The following MDM2 variants were observed in gnomAD, a reference collection of about 807,000 sequenced individuals.
MDM2 encodes E3 ubiquitin-protein ligase Mdm2.
Under a neutral mutation model 64.3 loss-of-function variants are expected in MDM2, and 11 were observed. That is an observed-to-expected ratio of 0.17 (90% CI 0.11 to 0.28). The LOEUF is 0.28. Among genes scored for constraint, MDM2 ranks in the 10% least tolerant of loss-of-function variants. The pLI, the probability that MDM2 is intolerant of heterozygous loss-of-function variation, is 1.00. For synonymous variants in MDM2, 194 were observed against 192.9 expected, an observed-to-expected ratio of 1.01 and a Z score of -0.05; for missense variants, 388 against 577.1, an observed-to-expected ratio of 0.67 and a Z score of 3.36.
In MDM2 at chr12:68,808,452, C is replaced by T. The variant is rs372373305; in HGVS notation, c.-26C>T. 151 of 1,613,910 alleles carry T rather than the reference C, an allele frequency of 9.4e-5. No individual in the cohort carries two copies. The highest frequency in any genetic ancestry group is 1.2e-4 in the Non-Finnish European group (140 of 1,179,998). ...GGAAACTGGGGAGTCTTGAGGGACC[C>T]CCGACTCCAAGCGCGAAAACCCCGG... On this transcript the variant is annotated 5_prime_UTR_variant, in exon 1 of 11. Transcript: ENST00000258149.
intron 7 of MDM2, among the ~76,000 whole-genome samples, chr12:68,825,419 C>T (rs574969023): frequency 3.3e-5 from 5 of 152,124 alleles, no homozygotes; most frequent in South Asian, 4.2e-4. Flanking sequence ...TTTGGGAGGC[C>T]GAGGCGGGTG....
In MDM2 at chr12:68,809,025, G is replaced by T. The variant is rs1880616214; in HGVS notation, c.15-183G>T. On this transcript the variant is annotated intron_variant, in intron 1 of 10. Transcript: ENST00000258149. ...CCATGCATTTTCCCAGCTGTGTTCA[G>T]TGGCGATTGGAGGGTAGACCTGTGG... 2.7e-6 allele frequency: 4 copies of T among 1,483,476 alleles called. No individual in the cohort carries two copies. The South Asian group carries it at 4.3e-5, about 16-fold the overall frequency. The allele number at this position is 1,483,476 out of a possible 1,614,324, so 91.9% of individuals were successfully genotyped here. A position where few individuals can be genotyped will look rare whatever the true frequency, so the allele number is the denominator to read the frequency against.
At position 68,845,403 on chromosome 12, in the gene MDM2, G is replaced by C. The variant is rs60553748; in HGVS notation, c.*5554G>C. ...CAAATTATAAAATGAGCTAACAAAC[G>C]AAAGGCAAAATAAAACCGTAAAGCA... On this transcript the variant is annotated 3_prime_UTR_variant, in exon 11 of 11. Coordinates refer to ENST00000258149, the MANE Select transcript of MDM2 (RefSeq NM_002392.6). The C allele has an allele frequency of 7.2e-3, 1,514 of 209,118 alleles. 25 individuals carry two copies. The highest frequency in any genetic ancestry group is 0.032 in the African/African-American group (1,420 of 43,924). 13.0% of individuals were successfully genotyped at this position (209,118 alleles called of 1,614,324 possible).
chr12:68,816,477 A>G (rs1193283539), intron 3 of MDM2, among the ~76,000 whole-genome samples: 2 of 141,684 alleles, frequency 1.4e-5, no homozygotes, highest in Non-Finnish European at 3.0e-5. Flanking sequence ...GGTTCAAGCA[A>G]TTCTCCTGCC....
intron 8 of MDM2, among the ~76,000 whole-genome samples, chr12:68,829,855 TA>T (rs1882654314): frequency 6.6e-6 from 1 of 151,820 alleles, no homozygotes; most frequent in Non-Finnish European, 1.5e-5. Flanking sequence ...ACTTCCAAAA[TA>T]TTAGTGAGCA....
chr12:68,819,736 C>G (rs953303947), intron 4 of MDM2, among the ~76,000 whole-genome samples: 1 of 152,182 alleles, frequency 6.6e-6, no homozygotes, highest in Admixed American at 6.5e-5. Context: ...GGTGATCTGC[C>G]GGACTCGGCC....
intron 5 of MDM2, 40 bp from the exon 6 acceptor site, chr12:68,824,323 G>A (rs192598867): frequency 1.5e-4 from 101 of 689,364 alleles, no homozygotes; most frequent in Admixed American, 2.0e-4. Flanking sequence ...GCCGCCCCCC[G>A]CCCACCACCA....
chr12:68,823,085 TTATAC>T (rs1882000789), intron 5 of MDM2, among the ~76,000 whole-genome samples: 1 of 152,154 alleles, frequency 6.6e-6, no homozygotes, highest in Non-Finnish European at 1.5e-5. Flanking sequence ...TAGCATCTGT[TTATAC>T]TAATCCAAAA....
rs1884066153 is a variant in MDM2, at chr12:68,844,207, TA to T, written c.*4361del. 9.5e-6 allele frequency: 2 copies of T among 209,686 alleles called. No individual in the cohort carries two copies. Among genetic ancestry groups the T allele is most frequent in the Non-Finnish European group, 1.9e-5 (2 of 103,418 alleles). 13.0% of individuals were successfully genotyped at this position (209,686 alleles called of 1,614,324 possible). ...TTTCAAGAATGCAATTATTTGATCT[TA>T]AATTTTTATGAGTTGTTAAAATAGA... On this transcript the variant is annotated 3_prime_UTR_variant, in exon 11 of 11. Transcript: ENST00000258149.
chr12:68,831,166 G>T (rs1034911382), intron 8 of MDM2, among the ~76,000 whole-genome samples: 2 of 152,146 alleles, frequency 1.3e-5, no homozygotes, highest in African/African-American at 2.4e-5. Flanking sequence ...TAGATAAAAC[G>T]ACACGGACAC....
At chr12:68,839,251 CTG>C in intron 10 of MDM2, 21 bp from the exon 11 acceptor site, 2 of 1,598,112 alleles carry the variant, frequency 1.3e-6, no homozygotes, top group South Asian at 1.1e-5. Context: ...CAGAAACTGA[CTG>C]TGTGTCTTAT....
intron 2 of MDM2, among the ~76,000 whole-genome samples, chr12:68,812,618 T>C (rs1881003244): frequency 6.6e-6 from 1 of 152,230 alleles, no homozygotes; most frequent in Admixed American, 6.5e-5. Flanking sequence ...GTTTTAGTTT[T>C]TAAATTTTTT....
At chr12:68,815,602 T>G (rs1220138204) in intron 3 of MDM2, 4 of 408,110 alleles carry the variant, frequency 9.8e-6, no homozygotes, top group Non-Finnish European at 1.5e-5. Flanking sequence ...CCACTATGCC[T>G]GGCTAATTTT....
chr12:68,827,195 A>C (rs1882408909), intron 7 of MDM2, among the ~76,000 whole-genome samples: 1 of 152,134 alleles, frequency 6.6e-6, no homozygotes, highest in Non-Finnish European at 1.5e-5. Flanking sequence ...ATGATAAAAA[A>C]AGTCCTTTCA....
chr12:68,830,439 G>C (rs1177771859), intron 8 of MDM2, among the ~76,000 whole-genome samples: 1 of 152,192 alleles, frequency 6.6e-6, no homozygotes, highest in Non-Finnish European at 1.5e-5. Context: ...CTCAGTCTGA[G>C]AGCAGGTTCT....
chr12:68,827,261 A>G (rs1456732163), intron 7 of MDM2, among the ~76,000 whole-genome samples: 2 of 152,076 alleles, frequency 1.3e-5, no homozygotes, highest in Admixed American at 6.6e-5. Flanking sequence ...GTGAAAAATG[A>G]TATCATTTCA....
chr12:68,822,216 A>T (rs552020374), intron 5 of MDM2, among the ~76,000 whole-genome samples: 1 of 152,288 alleles, frequency 6.6e-6, no homozygotes, highest in South Asian at 2.1e-4. Flanking sequence ...ATCACACACT[A>T]TAGTGTTTTA....
chr12:68,820,709 A>G (rs1164797906), intron 5 of MDM2, among the ~76,000 whole-genome samples: 1 of 152,218 alleles, frequency 6.6e-6, no homozygotes, highest in African/African-American at 2.4e-5. Context: ...ATTGTTACCT[A>G]GGTAGGACCA....
chr12:68,834,708 G>T (rs1690922), intron 8 of MDM2, among the ~76,000 whole-genome samples: 47,720 of 152,118 alleles, frequency 0.31, 8,814 homozygotes, highest in Non-Finnish European at 0.42. Context: ...CTGCACTCCA[G>T]CCTGGGTGAT....
Sources: allele counts gnomAD v4.1 joint callset (sites outside exome capture counted in the v4.1 genomes callset), GRCh38; gene constraint gnomAD v4.1.1; transcripts MANE v1.5; gene names NCBI Gene and HGNC (gene_info 2026-07-23, HGNC 2026-07-21).